PDE10A: variants seen among roughly 807,000 people sequenced by gnomAD.
PDE10A encodes phosphodiesterase 10A, also known as cAMP and cAMP-inhibited cGMP 3',5'-cyclic phosphodiesterase 10A.
In PDE10A, 39 loss-of-function variants were observed where a neutral mutation model predicts 97.7. That is an observed-to-expected ratio of 0.40 (90% CI 0.31 to 0.52). The LOEUF is 0.52. Among genes scored for constraint, PDE10A ranks in the 20% least tolerant of loss-of-function variants. The probability of loss-of-function intolerance (pLI) is 0.56; values close to 1 mark genes in which losing one functional copy is unlikely to be tolerated. For missense variants in PDE10A, 731 were observed against 1,047.8 expected (o/e 0.70, Z 4.17); for synonymous variants, 371 against 376.8 (o/e 0.98, Z 0.18).
At chr6:165,763,663 A>C (rs1793305447) in intron 1 of PDE10A, among the ~76,000 whole-genome samples, 1 of 152,114 alleles carries the variant, frequency 6.6e-6, no homozygotes, top group Non-Finnish European at 1.5e-5. Context: ...TTGTCCTTTC[A>C]TATGTTTCCA....
Position 165,330,629 on chromosome 6 carries a change from T to C in PDE10A, c.*2396A>G, listed in dbSNP as rs1048712643. ...ATCCAATCACATTCCTTTGGGAAACTGTTCTAAATAGAGATTACATAATAC... is the reference window on the plus strand; with the variant it reads ...ATCCAATCACATTCCTTTGGGAAACCGTTCTAAATAGAGATTACATAATAC... On this transcript the variant is annotated 3_prime_UTR_variant, in exon 22 of 22. Coordinates refer to ENST00000539869, the MANE Select transcript of PDE10A (RefSeq NM_001385079.1). The C allele has an allele frequency of 1.3e-5, 2 of 152,178 alleles. No individual in the cohort carries two copies. Among genetic ancestry groups the C allele is most frequent in the Non-Finnish European group, 2.9e-5 (2 of 68,006 alleles). The allele number at this position is 152,178 out of a possible 1,614,324, so 9.4% of individuals were successfully genotyped here. A position where few individuals can be genotyped will look rare whatever the true frequency, so the allele number is the denominator to read the frequency against.
chr6:165,608,284 C>T (rs1165436503), intron 1 of PDE10A, among the ~76,000 whole-genome samples: 6 of 137,454 alleles, frequency 4.4e-5, no homozygotes, highest in Non-Finnish European at 7.7e-5. Context: ...CAACAGGCGC[C>T]AGTGTGTGAT....
Position 165,388,497 on chromosome 6 carries a change from C to G in PDE10A, c.2455-44G>C. The G allele has an allele frequency of 6.4e-7, 1 of 1,572,932 alleles. No homozygotes were observed. Among genetic ancestry groups the G allele is most frequent in the Non-Finnish European group, 8.7e-7 (1 of 1,145,128 alleles). ...TGCAGAGATGCTCAAAACACAGAAA[C>G]ACACATGAGCAGACTTACCGCTTAC... On this transcript the variant is annotated intron_variant, in intron 16 of 21. Transcript: ENST00000539869. This position sits in a 1 kb window ranked among gnomAD's most constrained non-coding sequence, Gnocchi z 4.0.
intron 1 of PDE10A, among the ~76,000 whole-genome samples, chr6:165,757,967 G>A (rs939555796): frequency 1.3e-5 from 2 of 151,998 alleles, no homozygotes; most frequent in East Asian, 3.9e-4. Context: ...GCTTATTTGA[G>A]GTCTCCAGAG....
chr6:165,748,535 A>T (rs903036844), intron 1 of PDE10A, among the ~76,000 whole-genome samples: 1 of 152,208 alleles, frequency 6.6e-6, no homozygotes, highest in African/African-American at 2.4e-5. Flanking sequence ...GGTTCTGCTA[A>T]CACTACTGTT....
In PDE10A at chr6:165,425,308, A is replaced by G. The variant is rs150530802; in HGVS notation, c.1653+3350T>C. On this transcript the variant is annotated intron_variant, in intron 10 of 21. Transcript: ENST00000539869. ...GAAGATATCAATTCAAGTTTTCTAT[A>G]AATTTAGGACAATTCCAATATAAAT... is the stretch of plus-strand genomic sequence containing the variant. Among the ~76,000 whole-genome samples, 540 of 152,308 alleles carry G rather than the reference A, an allele frequency of 3.5e-3. 4 individuals are homozygous for G. The highest frequency in any genetic ancestry group is 0.012 in the African/African-American group (500 of 41,578).
intron 2 of PDE10A, among the ~76,000 whole-genome samples, chr6:165,494,536 A>T (rs1027784545): frequency 1.4e-5 from 2 of 141,020 alleles, no homozygotes; most frequent in Non-Finnish European, 3.1e-5. Context: ...ATATATATAT[A>T]TTTATTTATT....
intron 2 of PDE10A, among the ~76,000 whole-genome samples, chr6:165,524,669 C>CAA: frequency 6.6e-6 from 1 of 152,044 alleles, no homozygotes; most frequent in African/African-American, 2.4e-5. Context: ...TGCCCTGAGT[C>CAA]AGTCTTATCT....
At chr6:165,742,284 A>C (rs558647519) in intron 1 of PDE10A, among the ~76,000 whole-genome samples, 2 of 152,266 alleles carry the variant, frequency 1.3e-5, no homozygotes, top group East Asian at 3.9e-4. Flanking sequence ...TGCAGCCCTA[A>C]CGCAATAGTT....
At chr6:165,617,691 G>A (rs1787792259) in intron 1 of PDE10A, among the ~76,000 whole-genome samples, 2 of 152,098 alleles carry the variant, frequency 1.3e-5, no homozygotes, top group African/African-American at 4.8e-5. Context: ...GCCAAGACTA[G>A]GAAAGTCCCA....
chr6:165,406,387 C>T (rs67480658), intron 13 of PDE10A, among the ~76,000 whole-genome samples: 28,377 of 151,898 alleles, frequency 0.19, 3,227 homozygotes, highest in African/African-American at 0.31. Context: ...TGGGAATATA[C>T]AATACTCTTA....
At chr6:165,596,604 C>T (rs1293851518) in intron 1 of PDE10A, among the ~76,000 whole-genome samples, 1 of 152,146 alleles carries the variant, frequency 6.6e-6, no homozygotes, top group Non-Finnish European at 1.5e-5. Flanking sequence ...GTGGCACACA[C>T]CTGTAGTCCC....
intron 1 of PDE10A, among the ~76,000 whole-genome samples, chr6:165,982,599 G>A (rs1038923363): frequency 2.0e-5 from 3 of 151,970 alleles, no homozygotes; most frequent in Admixed American, 6.6e-5. Context: ...TTACTTCTTC[G>A]GTGTATAGTA....
At chr6:165,809,837 G>A (rs111612391) in intron 1 of PDE10A, among the ~76,000 whole-genome samples, 1 of 152,190 alleles carries the variant, frequency 6.6e-6, no homozygotes, top group African/African-American at 2.4e-5. Context: ...GCAACACAAT[G>A]CACAGCCTAT....
At chr6:165,385,180 G>A (rs1343421353) in intron 17 of PDE10A, among the ~76,000 whole-genome samples, 1 of 152,060 alleles carries the variant, frequency 6.6e-6, no homozygotes, top group Non-Finnish European at 1.5e-5. Flanking sequence ...GGACTTGGTG[G>A]TAACAGGATG....
chr6:165,883,280 C>T (rs1381740677), intron 1 of PDE10A, among the ~76,000 whole-genome samples: 3 of 151,578 alleles, frequency 2.0e-5, no homozygotes, highest in African/African-American at 7.3e-5. Context: ...CAGTGGCTCA[C>T]ACCTGAAATC....
At chr6:165,812,069 G>C (rs1404271688) in intron 1 of PDE10A, among the ~76,000 whole-genome samples, 1 of 152,016 alleles carries the variant, frequency 6.6e-6, no homozygotes, top group Non-Finnish European at 1.5e-5. Flanking sequence ...GGCCAGGATG[G>C]TCTTGATCTC....
intron 1 of PDE10A, among the ~76,000 whole-genome samples, chr6:165,599,116 A>C (rs1786783063): frequency 6.6e-6 from 1 of 152,374 alleles, no homozygotes; most frequent in East Asian, 1.9e-4. Context: ...ACGGTTGTGA[A>C]GGAATTTTAA....
chr6:165,368,610 C>A (rs532708363), intron 18 of PDE10A, among the ~76,000 whole-genome samples: 1 of 152,046 alleles, frequency 6.6e-6, no homozygotes, highest in Non-Finnish European at 1.5e-5. Context: ...ACAAATAGCT[C>A]AAAATAGAAA....
Sources: gnomAD v4.1 joint callset for allele counts (sites outside exome capture counted in the v4.1 genomes callset) on GRCh38, gnomAD v4.1.1 for gene constraint, Gnocchi (gnomAD v3.1) non-coding constraint, MANE v1.5 for transcripts, NCBI Gene and HGNC (gene_info 2026-07-23, HGNC 2026-07-21) for gene names.